Variants in TTLL7 observed in about 807,000 individuals in gnomAD.
The protein encoded by TTLL7 is tubulin polyglutamylase TTLL7.
In TTLL7, 53 loss-of-function variants were observed where a neutral mutation model predicts 120.2. The observed-to-expected ratio is 0.44, with a 90% CI of 0.35 to 0.55. TTLL7 has a LOEUF of 0.55. Ranked by LOEUF, TTLL7 falls within the 20% of genes least tolerant of loss-of-function variation. The pLI is 0.00. For synonymous variants in TTLL7, 353 were observed against 351.7 expected, an observed-to-expected ratio of 1.00 and a Z score of -0.04; for missense variants, 803 against 1,054.7, an observed-to-expected ratio of 0.76 and a Z score of 3.31.
At chr1:83,946,485 G>A (rs993831986) in intron 6 of TTLL7, 1 of 152,052 alleles carries the variant, frequency 6.6e-6, no homozygotes, top group Non-Finnish European at 1.5e-5. Flanking sequence ...ACATAAACCA[G>A]TAACAGTCAT....
chr1:83,982,110 A>G (rs1240526845), intron 1 of TTLL7, among the ~76,000 whole-genome samples: 1 of 152,250 alleles, frequency 6.6e-6, no homozygotes, highest in African/African-American at 2.4e-5. Flanking sequence ...AGATTGAATT[A>G]AACTAGAAAC....
intron 1 of TTLL7, among the ~76,000 whole-genome samples, chr1:83,956,427 CT>C (rs35592317): frequency 0.013 from 1,727 of 136,006 alleles, 31 homozygotes; most frequent in African/African-American, 0.042. Context: ...ACCTAGCCCA[CT>C]TTTTTTTTTT....
chr1:83,890,384 C>T lies in TTLL7; in HGVS notation c.2306G>A (p.Arg769Gln), dbSNP rs373309024. 16 of 1,613,236 alleles carry T rather than the reference C, an allele frequency of 9.9e-6. No homozygotes were observed. Among genetic ancestry groups the T allele is most frequent in the Non-Finnish European group, 1.3e-5 (15 of 1,179,588 alleles). Residue 769 changes from arginine to glutamine, a missense_variant, in exon 19 of 21, where the codon CGG becomes CAG. Transcript: ENST00000260505. ...EEVNLYRIFN[R>Q]VFNRLLWSRG... ...ACTCCAGAGTAAGCGATTAAAAACCCGGTTGAAAATCCGATATAAATTTAC... is the reference window on the plus strand; with the variant it reads ...ACTCCAGAGTAAGCGATTAAAAACCTGGTTGAAAATCCGATATAAATTTAC...
chr1:83,966,727 A>T (rs547839577), intron 1 of TTLL7, among the ~76,000 whole-genome samples: 1 of 152,278 alleles, frequency 6.6e-6, no homozygotes. Flanking sequence ...CTGTTTTTTT[A>T]ACATTTAAAA....
At chr1:83,914,367 C>G (rs571182822) in intron 14 of TTLL7, among the ~76,000 whole-genome samples, 1 of 110,212 alleles carries the variant, frequency 9.1e-6, no homozygotes, top group East Asian at 3.1e-4. Context: ...GAGTCTTGCT[C>G]TGTCGCCAAG....
At chr1:83,959,905 T>C (rs1414013604) in intron 1 of TTLL7, among the ~76,000 whole-genome samples, 1 of 152,038 alleles carries the variant, frequency 6.6e-6, no homozygotes, top group Non-Finnish European at 1.5e-5. Flanking sequence ...AGTTTAAAAT[T>C]ATACAAAATA....
Position 83,883,062 on chromosome 1 carries a change from A to G in TTLL7, c.2444T>C (p.Leu815Pro). 1 of 1,612,648 alleles carries G rather than the reference A, an allele frequency of 6.2e-7. No individual in the cohort carries two copies. The highest frequency in any genetic ancestry group is 1.1e-5 in the South Asian group (1 of 90,980). ...TPLQLQCCQR[L>P]VELCKQCLLV... ...CAGGCACTGTTTACAAAGCTCCACT[A>G]GGCGCTGGCAACACTGGAGCTGCAA... Residue 815 changes from leucine (L) to proline (P), a missense_variant, in exon 20 of 21, where the codon CTA becomes CCA. By Grantham distance (98) the Leu-to-Pro change is moderately conservative. Coordinates refer to ENST00000260505, the MANE Select transcript of TTLL7 (RefSeq NM_024686.6).
rs1652932581 is a variant in TTLL7 at position 83,866,595 on chromosome 1, A to C, written c.*3367T>G. 1 of 151,858 alleles carries C rather than the reference A, an allele frequency of 6.6e-6. No individual in the cohort carries two copies. The highest frequency in any genetic ancestry group is 1.5e-5 in the Non-Finnish European group (1 of 67,810). The allele number at this position is 151,858 out of a possible 1,614,324, so 9.4% of individuals were successfully genotyped here. On this transcript the variant is annotated 3_prime_UTR_variant, in exon 21 of 21. Transcript: ENST00000260505. ...GTTTGTATATTTAGAAATAATTTTGACCTATGATAAAATTTGTATAGATCT... is the reference window on the plus strand; with the variant it reads ...GTTTGTATATTTAGAAATAATTTTGCCCTATGATAAAATTTGTATAGATCT...
chr1:83,928,907 A>AT lies in TTLL7; in HGVS notation c.1142+228dup, dbSNP rs71993787. On this transcript the variant is annotated intron_variant, in intron 10 of 20. Transcript: ENST00000260505. ...CAGTATACAGGAGTAGGGGGGACAG[A>AT]TTTTTTTTTTTAACTATATGAGTTT... Among the ~76,000 whole-genome samples the AT allele has an allele frequency of 5.5e-4, 81 of 148,150 alleles. 1 individual carries two copies. In the South Asian group the frequency reaches 0.013, roughly 24 times the overall value.
At chr1:83,961,635 C>T (rs911108541) in intron 1 of TTLL7, among the ~76,000 whole-genome samples, 1 of 151,998 alleles carries the variant, frequency 6.6e-6, no homozygotes, top group Non-Finnish European at 1.5e-5. Context: ...AAGCAAATAA[C>T]AGCTATAACT....
chr1:83,919,649 T>C, intron 13 of TTLL7, 50 bp downstream of exon 13: 1 of 1,521,870 alleles, frequency 6.6e-7, no homozygotes, highest in Non-Finnish European at 8.9e-7. Flanking sequence ...TGTAAAGACA[T>C]ATTGTTTAGC....
At chr1:83,934,581 G>A (rs1647232024) in intron 8 of TTLL7, among the ~76,000 whole-genome samples, 1 of 152,164 alleles carries the variant, frequency 6.6e-6, no homozygotes, top group African/African-American at 2.4e-5. Flanking sequence ...AATACTACTA[G>A]GGTGAGTTAT....
chr1:83,906,631 A>G lies in TTLL7; in HGVS notation c.1993-168T>C, dbSNP rs1361666512. On this transcript the variant is annotated intron_variant, in intron 16 of 20. Coordinates refer to ENST00000260505, the MANE Select transcript of TTLL7 (RefSeq NM_024686.6). ...CTTGTGAATTCTTTGGATTAAATGG[A>G]TATGAATCCCAAGAGTGTCTTTCAC... is the stretch of plus-strand genomic sequence containing the variant. The G allele has an allele frequency of 3.5e-6, 3 of 847,446 alleles. No homozygotes were observed. The African/African-American group carries it at 5.1e-5, about 15-fold the overall frequency. 52.5% of individuals were successfully genotyped at this position (847,446 alleles called of 1,614,324 possible). A position where few individuals can be genotyped will look rare whatever the true frequency, so the allele number is the denominator to read the frequency against.
chr1:83,947,210 T>C lies in TTLL7; in HGVS notation c.420A>G (p.Gln140=). The C allele has an allele frequency of 1.2e-6, 2 of 1,613,248 alleles. No individual in the cohort carries two copies. Among genetic ancestry groups the C allele is most frequent in the South Asian group, 2.2e-5 (2 of 90,848 alleles). Reference sequence around the variant, plus strand: ...TCAATTCTTTCACATAATTTTGGAATTGAGTATATTCAGCAGGAAAGATCC... The same window carrying C: ...TCAATTCTTTCACATAATTTTGGAACTGAGTATATTCAGCAGGAAAGATCC... ...RTWIFPAEYT[Q]FQNYVKELKK... The change falls in exon 6 of 21, where the codon CAA becomes CAG. Residue 140 remains glutamine (Q), a synonymous_variant. Coordinates refer to ENST00000260505, the MANE Select transcript of TTLL7 (RefSeq NM_024686.6).
At chr1:83,885,005 GA>G in intron 19 of TTLL7, 2 of 216,770 alleles carry the variant, frequency 9.2e-6, no homozygotes, top group Non-Finnish European at 1.6e-5. Flanking sequence ...CTAAATGGAA[GA>G]AAAACTAGAT....
intron 15 of TTLL7, among the ~76,000 whole-genome samples, chr1:83,909,103 G>C (rs1408533629): frequency 6.6e-6 from 1 of 150,628 alleles, no homozygotes; most frequent in Non-Finnish European, 1.5e-5. Flanking sequence ...TGTGCGCCGA[G>C]AGCAAACTTA....
chr1:83,872,105 T>C (rs1050145716), intron 20 of TTLL7, among the ~76,000 whole-genome samples: 1 of 152,168 alleles, frequency 6.6e-6, no homozygotes, highest in African/African-American at 2.4e-5. Flanking sequence ...AATCAAACTA[T>C]ACGCAGCATT....
chr1:83,964,756 G>C (rs1164855009), intron 1 of TTLL7, among the ~76,000 whole-genome samples: 1 of 152,086 alleles, frequency 6.6e-6, no homozygotes, highest in Non-Finnish European at 1.5e-5. Context: ...ATCAATGAGA[G>C]ATACATTCAA....
At chr1:83,991,732 C>A (rs1653020769) in intron 1 of TTLL7, among the ~76,000 whole-genome samples, 1 of 151,972 alleles carries the variant, frequency 6.6e-6, no homozygotes, top group African/African-American at 2.4e-5. Context: ...TACAATCACC[C>A]AAATAATTAT....
Sources: gnomAD v4.1 joint callset for allele counts (sites outside exome capture counted in the v4.1 genomes callset) on GRCh38, gnomAD v4.1.1 for gene constraint, MANE v1.5 for transcripts, NCBI Gene and HGNC (gene_info 2026-07-23, HGNC 2026-07-21) for gene names.